PPP2R3A: variants seen among roughly 807,000 people sequenced by gnomAD.
PPP2R3A encodes serine/threonine-protein phosphatase 2A regulatory subunit B'' subunit alpha.
PPP2R3A carries 80 observed loss-of-function variants against 106.9 expected under a neutral mutation model. The observed-to-expected ratio is 0.75, with a 90% CI of 0.62 to 0.90. The LOEUF (loss-of-function observed/expected upper bound fraction) is 0.90, where lower values mean the gene tolerates loss of function less well. Ranked by LOEUF, PPP2R3A falls within the 40% of genes least tolerant of loss-of-function variation. The pLI is 0.00. For missense variants in PPP2R3A, 1,386 were observed against 1,350.4 expected, an observed-to-expected ratio of 1.03 and a Z score of -0.41; for synonymous variants, 483 against 468.3, an observed-to-expected ratio of 1.03 and a Z score of -0.41.
intron 13 of PPP2R3A, 179 bp downstream of exon 13, chr3:136,106,501 CAG>C (rs1486374278): frequency 3.5e-5 from 21 of 601,252 alleles, no homozygotes; most frequent in Non-Finnish European, 4.4e-5. Flanking sequence ...CATTTCCTGA[CAG>C]AGTCTTCTCA....
chr3:136,131,427 G>T (rs1036248253), intron 13 of PPP2R3A, among the ~76,000 whole-genome samples: 2 of 152,188 alleles, frequency 1.3e-5, no homozygotes, highest in Non-Finnish European at 2.9e-5. Context: ...CATCATCACT[G>T]GTCATCAGAG....
At chr3:136,040,060 C>T (rs1935212215) in intron 3 of PPP2R3A, among the ~76,000 whole-genome samples, 1 of 152,104 alleles carries the variant, frequency 6.6e-6, no homozygotes, top group South Asian at 2.1e-4. Flanking sequence ...TTTTCTTGAG[C>T]AGTCTAGGAT....
At chr3:136,009,936 T>A (rs1348658957) in intron 2 of PPP2R3A, among the ~76,000 whole-genome samples, 3 of 152,208 alleles carry the variant, frequency 2.0e-5, no homozygotes, top group Admixed American at 6.5e-5. Flanking sequence ...ACAACCATGC[T>A]GAGTGGTCTT....
intron 2 of PPP2R3A, among the ~76,000 whole-genome samples, chr3:136,019,092 C>G (rs1934375137): frequency 6.6e-6 from 1 of 152,200 alleles, no homozygotes; most frequent in South Asian, 2.1e-4. Context: ...CCAGATAGGA[C>G]TGCCTGTGTC....
chr3:136,001,844 G>A lies in PPP2R3A; in HGVS notation c.346G>A (p.Ala116Thr). The A allele has an allele frequency of 1.2e-6, 2 of 1,614,176 alleles. No individual in the cohort carries two copies. ...CAACTTAAAGGATATTGCAGGAGAA[G>A]CAATCAGTTTTGCCAGTGGGAAAAT... ...TYNLKDIAGE[A>T]ISFASGKIKE... Residue 116 changes from alanine (A) to threonine (T), a missense_variant, in exon 2 of 14, where the codon GCA becomes ACA. Ala to Thr is a moderately conservative substitution (Grantham distance 58, BLOSUM62 0). Coordinates refer to ENST00000264977, the MANE Select transcript of PPP2R3A (RefSeq NM_002718.5).
At chr3:136,140,995 T>C (rs1418674544) in intron 13 of PPP2R3A, among the ~76,000 whole-genome samples, 2 of 152,232 alleles carry the variant, frequency 1.3e-5, no homozygotes, top group African/African-American at 4.8e-5. Flanking sequence ...ACTCTACACA[T>C]TGTTTCACAA....
chr3:136,125,025 A>T (rs1465751153), intron 13 of PPP2R3A, among the ~76,000 whole-genome samples: 1 of 152,232 alleles, frequency 6.6e-6, no homozygotes, highest in Non-Finnish European at 1.5e-5. Flanking sequence ...CCCCATAAGA[A>T]AAGTCCAAGT....
chr3:136,065,636 G>A (rs940229), intron 5 of PPP2R3A, among the ~76,000 whole-genome samples: 100,121 of 152,002 alleles, frequency 0.66, 35,061 homozygotes, highest in African/African-American at 0.9. Context: ...AAAACCAACA[G>A]CTGACTAATT....
chr3:135,970,139 G>A (rs1220313545), intron 1 of PPP2R3A, among the ~76,000 whole-genome samples: 2 of 152,192 alleles, frequency 1.3e-5, no homozygotes, highest in African/African-American at 4.8e-5. Context: ...CGAATCTGAG[G>A]TGATTCCACT....
chr3:136,144,893 T>A, intron 13 of PPP2R3A, 150 bp from the exon 14 acceptor site: 1 of 694,534 alleles, frequency 1.4e-6, no homozygotes. Context: ...GAGTGTTGCC[T>A]CCTTCACGGC....
At chr3:135,980,700 C>A (rs1937530467) in intron 1 of PPP2R3A, among the ~76,000 whole-genome samples, 3 of 151,806 alleles carry the variant, frequency 2.0e-5, no homozygotes, top group Admixed American at 2.0e-4. Flanking sequence ...AATCTGTTTC[C>A]CTTAAGAGCC....
chr3:136,015,271 T>C (rs915494552), intron 2 of PPP2R3A, among the ~76,000 whole-genome samples: 9 of 152,102 alleles, frequency 5.9e-5, no homozygotes, highest in Admixed American at 2.6e-4. Context: ...ACCAGAGATA[T>C]TGGTCTGTAG....
intron 7 of PPP2R3A, among the ~76,000 whole-genome samples, chr3:136,078,987 A>C (rs1936689976): frequency 6.6e-6 from 1 of 152,236 alleles, no homozygotes; most frequent in Non-Finnish European, 1.5e-5. Context: ...TACCGAAGTA[A>C]TCTTCATGCC....
intron 1 of PPP2R3A, among the ~76,000 whole-genome samples, chr3:135,978,485 T>A (rs1205848227): frequency 6.6e-6 from 1 of 151,638 alleles, no homozygotes; most frequent in Non-Finnish European, 1.5e-5. Flanking sequence ...CAACTGGATT[T>A]TTTTTTTTTG....
intron 10 of PPP2R3A, among the ~76,000 whole-genome samples, chr3:136,092,689 T>G (rs889341883): frequency 3.9e-5 from 6 of 152,080 alleles, no homozygotes; most frequent in Admixed American, 3.9e-4. Flanking sequence ...ATAAACAAAA[T>G]TGAATTGAGA....
chr3:136,003,235 T>G lies in PPP2R3A; in HGVS notation c.1737T>G (p.Asn579Lys). 1.2e-6 allele frequency: 2 copies of G among 1,613,888 alleles called. No individual in the cohort carries two copies. The highest frequency in any genetic ancestry group is 1.1e-5 in the South Asian group (1 of 91,054). ...GTCTAACAAGGATTATTGAAACCAATGGACACAAAATAGAGGAAGAGGATC... is the reference window on the plus strand; with the variant it reads ...GTCTAACAAGGATTATTGAAACCAAGGGACACAAAATAGAGGAAGAGGATC... ...PSCLTRIIET[N>K]GHKIEEEDRA... Residue 579 changes from asparagine (N) to lysine (K), a missense_variant, in exon 2 of 14, where the codon AAT (asparagine) becomes AAG (lysine). Transcript: ENST00000264977.
At chr3:136,128,624 A>C (rs1409102779) in intron 13 of PPP2R3A, among the ~76,000 whole-genome samples, 1 of 152,218 alleles carries the variant, frequency 6.6e-6, no homozygotes, top group African/African-American at 2.4e-5. Flanking sequence ...ACAGAAAGTT[A>C]ACAAGAATAT....
At position 136,105,652 on chromosome 3, in the gene PPP2R3A, A is replaced by G. The variant is rs994256339; in HGVS notation, c.3223-564A>G. On this transcript the variant is annotated intron_variant, in intron 12 of 13. Coordinates refer to ENST00000264977, the MANE Select transcript of PPP2R3A (RefSeq NM_002718.5). ...AGACTAGGCAACAGAGTGAGACCCT[A>G]TCTCTTTTAAAAAAAAGAGTTGGAA... Among the ~76,000 whole-genome samples, 9 of 150,764 alleles carry G rather than the reference A, an allele frequency of 6.0e-5. No individual in the cohort carries two copies. In the East Asian group the frequency reaches 7.7e-4, roughly 13 times the overall value.
At chr3:135,995,941 G>T (rs997789735) in intron 1 of PPP2R3A, among the ~76,000 whole-genome samples, 1 of 152,156 alleles carries the variant, frequency 6.6e-6, no homozygotes, top group African/African-American at 2.4e-5. Context: ...CTGCCATCCA[G>T]AGTGTTTGGT....
Sources: allele counts gnomAD v4.1 joint callset (sites outside exome capture counted in the v4.1 genomes callset), GRCh38; gene constraint gnomAD v4.1.1; transcripts MANE v1.5; gene names NCBI Gene and HGNC (gene_info 2026-07-23, HGNC 2026-07-21).